The following GRM4 variants were observed in gnomAD, a reference collection of about 807,000 sequenced individuals.
GRM4 encodes glutamate metabotropic receptor 4, also known as metabotropic glutamate receptor 4.
A neutral mutation model predicts 81.7 loss-of-function variants in GRM4; 28 were observed. That is an observed-to-expected ratio of 0.34 (90% CI 0.25 to 0.47). The LOEUF is 0.47. GRM4 is among the 20% of genes least tolerant of loss of function. The pLI, the probability that GRM4 is intolerant of heterozygous loss-of-function variation, is 1.00. For missense variants in GRM4, 948 were observed against 1,290.0 expected, an observed-to-expected ratio of 0.73 and a Z score of 4.06; for synonymous variants, 488 against 528.8, an observed-to-expected ratio of 0.92 and a Z score of 1.06.
At chr6:34,088,824 G>A (rs752733632) in intron 3 of GRM4, among the ~76,000 whole-genome samples, 1 of 152,232 alleles carries the variant, frequency 6.6e-6, no homozygotes, top group Non-Finnish European at 1.5e-5. Context: ...GGCCCAGGCA[G>A]GGCTCAGTCA....
In GRM4 at chr6:34,052,610, C is replaced by T. The variant is rs146170012; in HGVS notation, c.1168+3934G>A. Reference sequence around the variant, plus strand: ...AGGCCGACTATGGAATGTGAGCACCCGAGAGAACAGAGTGAGCTGATCCTA... The same window carrying T: ...AGGCCGACTATGGAATGTGAGCACCTGAGAGAACAGAGTGAGCTGATCCTA... On this transcript the variant is annotated intron_variant, in intron 6 of 10. Transcript: ENST00000538487. Among the ~76,000 whole-genome samples, 434 of 152,258 alleles carry T rather than the reference C, an allele frequency of 2.9e-3. 3 individuals carry two copies. The highest frequency in any genetic ancestry group is 6.8e-3 in the Middle Eastern group (2 of 294).
In GRM4 at chr6:34,036,004, G is replaced by C. The variant is rs1441600544; in HGVS notation, c.2106C>G (p.Ile702Met). ...GCTGCAGCGAGATGAGGCTGAAGGT[G>C]ATGGCCAGCTGTGAGGCGGGGCTGA... ...RFISPASQLA[I>M]TFSLISLQLL... Residue 702 changes from isoleucine to methionine, a missense_variant, in exon 9 of 11, where the codon ATC (isoleucine) becomes ATG (methionine). Coordinates refer to ENST00000538487, the MANE Select transcript of GRM4 (RefSeq NM_000841.4). The surrounding 1 kb of genome is among the most constrained non-coding windows in gnomAD (Gnocchi z 9.0). 6.2e-7 allele frequency: 1 copy of C among 1,614,026 alleles called. No individual in the cohort carries two copies. Among genetic ancestry groups the C allele is most frequent in the South Asian group, 1.1e-5 (1 of 91,080 alleles).
intron 5 of GRM4, among the ~76,000 whole-genome samples, chr6:34,058,427 G>A (rs1436655094): frequency 2.0e-5 from 3 of 152,192 alleles, no homozygotes; most frequent in Non-Finnish European, 4.4e-5. Context: ...AGGGAGGGCA[G>A]GGAAGGAGAG....
intron 3 of GRM4, among the ~76,000 whole-genome samples, chr6:34,088,100 C>T (rs773881740): frequency 2.0e-5 from 3 of 152,030 alleles, no homozygotes; most frequent in Non-Finnish European, 4.4e-5. Context: ...CCTGAGCTCC[C>T]GCCTGTATGT....
At chr6:34,046,418 T>C (rs1309029395) in intron 6 of GRM4, among the ~76,000 whole-genome samples, 3 of 152,162 alleles carry the variant, frequency 2.0e-5, no homozygotes, top group South Asian at 2.1e-4. Flanking sequence ...CCCAAGCAGA[T>C]GCTGAGGAGG....
Position 34,024,580 on chromosome 6 carries a change from C to G in GRM4, c.2690-1710G>C, listed in dbSNP as rs9469685. On this transcript the variant is annotated intron_variant, in intron 10 of 10. Transcript: ENST00000538487. ...GTCTATCACATGTGGACGAAGCAAA[C>G]TGCTTGAGGATGGGGTGAGCAGAGG... 379 of 443,108 alleles carry G rather than the reference C, an allele frequency of 8.6e-4. 1 individual carries two copies. Among genetic ancestry groups the G allele is most frequent in the African/African-American group, 6.6e-3 (329 of 49,780 alleles). The allele number at this position is 443,108 out of a possible 1,614,324, so 27.4% of individuals were successfully genotyped here.
chr6:34,071,413 GACAC>G (rs1175651644), intron 3 of GRM4, among the ~76,000 whole-genome samples: 2 of 6,672 alleles, frequency 3.0e-4, no homozygotes, highest in South Asian at 6.8e-3. Flanking sequence ...ACACCACACA[GACAC>G]ACACATCACC....
upstream of GRM4, among the ~76,000 whole-genome samples, chr6:34,147,276 T>C (rs1770956711): frequency 6.6e-6 from 1 of 152,254 alleles, no homozygotes; most frequent in South Asian, 2.1e-4. Context: ...AACACACGAC[T>C]GAACGCAGTT....
At chr6:34,140,712 G>T (rs1770651320) in intron 1 of GRM4, among the ~76,000 whole-genome samples, 1 of 152,070 alleles carries the variant, frequency 6.6e-6, no homozygotes, top group Non-Finnish European at 1.5e-5. Flanking sequence ...CCTACATGCC[G>T]CCATCTCTAG....
chr6:34,110,068 G>A (rs984588206), intron 2 of GRM4, among the ~76,000 whole-genome samples: 14 of 152,156 alleles, frequency 9.2e-5, no homozygotes, highest in Non-Finnish European at 1.9e-4. Context: ...AGGCTGAAGC[G>A]GGCAGATTCC....
rs1766702687 is a variant in GRM4 at position 34,069,723 on chromosome 6, T to C, written c.737-7695A>G. On this transcript the variant is annotated intron_variant, in intron 3 of 10. Coordinates refer to ENST00000538487, the MANE Select transcript of GRM4 (RefSeq NM_000841.4). The surrounding 1 kb of genome is among the most constrained non-coding windows in gnomAD (Gnocchi z 6.4). ...GCCTGCCTCTTCTCCCAGGAGGGTC[T>C]CCCTGATGCACCCAGTGAATTTGGA... 6.6e-6 allele frequency among the ~76,000 whole-genome samples: 1 copy of C among 151,844 alleles called. No homozygotes were observed. The highest frequency in any genetic ancestry group is 1.5e-5 in the Non-Finnish European group (1 of 67,988).
intron 3 of GRM4, chr6:34,091,574 C>A (rs554351060): frequency 8.1e-6 from 3 of 370,800 alleles, no homozygotes; most frequent in African/African-American, 2.1e-5. Flanking sequence ...TCGTCCCCAC[C>A]CCATCCCTTC....
chr6:34,028,736 T>C (rs900271139), intron 9 of GRM4, among the ~76,000 whole-genome samples: 2 of 152,184 alleles, frequency 1.3e-5, no homozygotes, highest in East Asian at 1.9e-4. Context: ...TTATTTGCTA[T>C]GTGGAGGACG....
chr6:34,118,405 G>A (rs184952496), intron 2 of GRM4, among the ~76,000 whole-genome samples: 1 of 152,308 alleles, frequency 6.6e-6, no homozygotes, highest in Admixed American at 6.5e-5. Context: ...CCAGGTGTGG[G>A]CAGGGGCAGG....
chr6:34,071,759 CCA>C (rs754771999), intron 3 of GRM4, among the ~76,000 whole-genome samples: 1 of 148,406 alleles, frequency 6.7e-6, no homozygotes, highest in Non-Finnish European at 1.5e-5. Flanking sequence ...CCATACATCA[CCA>C]CACAGATATA....
chr6:34,044,335 G>T (rs1209268733), intron 6 of GRM4, among the ~76,000 whole-genome samples: 10 of 94,718 alleles, frequency 1.1e-4, no homozygotes, highest in African/African-American at 1.8e-4. Flanking sequence ...CATACACACA[G>T]ACATACATAC....
chr6:34,072,512 ACAC>A (rs1167337020), intron 3 of GRM4, among the ~76,000 whole-genome samples: 1 of 152,014 alleles, frequency 6.6e-6, no homozygotes, highest in Non-Finnish European at 1.5e-5. Flanking sequence ...AACCACACAC[ACAC>A]ATCACCACAT....
intron 2 of GRM4, among the ~76,000 whole-genome samples, chr6:34,108,281 A>C (rs1468736748): frequency 1.3e-5 from 2 of 152,240 alleles, no homozygotes; most frequent in African/African-American, 2.4e-5. Context: ...AACAGCCGCT[A>C]TAATAAGAGT....
intron 9 of GRM4, among the ~76,000 whole-genome samples, chr6:34,032,521 C>T (rs770406875): frequency 2.0e-5 from 3 of 152,216 alleles, no homozygotes; most frequent in African/African-American, 7.2e-5. Flanking sequence ...TGTCCTCCAC[C>T]GCCTCCCGTT....
Sources: gnomAD v4.1 joint callset for allele counts (sites outside exome capture counted in the v4.1 genomes callset) on GRCh38, gnomAD v4.1.1 for gene constraint, Gnocchi (gnomAD v3.1) non-coding constraint, MANE v1.5 for transcripts, NCBI Gene and HGNC (gene_info 2026-07-23, HGNC 2026-07-21) for gene names.